The following NLGN1 variants were observed in gnomAD, a reference collection of about 807,000 sequenced individuals.
The protein encoded by NLGN1 is neuroligin 1, also known as neuroligin-1.
Under a neutral mutation model 65.5 loss-of-function variants are expected in NLGN1, and 12 were observed. The observed-to-expected ratio is 0.18, with a 90% CI of 0.12 to 0.30. The LOEUF (loss-of-function observed/expected upper bound fraction) is 0.30. Among genes scored for constraint, NLGN1 ranks in the 10% least tolerant of loss-of-function variants. The pLI is 1.00. For synonymous variants in NLGN1, 350 were observed against 359.5 expected (o/e 0.97, Z 0.30); for missense variants, 750 against 1,007.1 (o/e 0.74, Z 3.46).
chr3:173,808,803 A>G (rs891718690), intron 4 of NLGN1, among the ~76,000 whole-genome samples: 1 of 152,098 alleles, frequency 6.6e-6, no homozygotes, highest in African/African-American at 2.4e-5. Context: ...CTTTCATTCT[A>G]TTATCTAAAA....
chr3:174,151,838 G>A (rs9713820), intron 4 of NLGN1, among the ~76,000 whole-genome samples: 5,992 of 152,106 alleles, frequency 0.039, 179 homozygotes, highest in Middle Eastern at 0.099. Flanking sequence ...TTTGCTCTTC[G>A]ACTGATTTCC....
intron 4 of NLGN1, among the ~76,000 whole-genome samples, chr3:174,140,818 T>C (rs1490615797): frequency 6.6e-6 from 1 of 152,188 alleles, no homozygotes; most frequent in East Asian, 1.9e-4. Flanking sequence ...TCAATTAGGC[T>C]ATTCTTTTAT....
rs767518841 is a variant in NLGN1 at position 173,747,057 on chromosome 3, TATACAC to T, written c.494-60621_494-60616del. On this transcript the variant is annotated intron_variant, in intron 3 of 6. Coordinates refer to ENST00000457714, the Ensembl canonical transcript of NLGN1. ...CCTGCCTCAAAAAGAAAAAATTATA[TATACAC>T]ACACACACACACACACACACACACA... 5.4e-3 allele frequency among the ~76,000 whole-genome samples: 439 copies of T among 81,746 alleles called. 1 individual carries two copies. The highest frequency in any genetic ancestry group is 0.021 in the South Asian group (46 of 2,148). 53.6% of individuals were successfully genotyped at this position (81,746 alleles called of 152,430 possible).
At chr3:174,171,249 A>G (rs1398280936) in intron 4 of NLGN1, among the ~76,000 whole-genome samples, 1 of 152,182 alleles carries the variant, frequency 6.6e-6, no homozygotes, top group Non-Finnish European at 1.5e-5. Context: ...ATTGGTTGTT[A>G]TTAGAGAATT....
intron 4 of NLGN1, among the ~76,000 whole-genome samples, chr3:174,203,204 C>T (rs1297132712): frequency 6.6e-6 from 1 of 152,140 alleles, no homozygotes; most frequent in Non-Finnish European, 1.5e-5. Context: ...CTTCAATGAT[C>T]TAGACAAGAG....
At chr3:174,211,202 C>A (rs13076866) in intron 4 of NLGN1, among the ~76,000 whole-genome samples, 26,994 of 152,154 alleles carry the variant, frequency 0.18, 2,513 homozygotes, top group East Asian at 0.45. Flanking sequence ...AACAAAGCTT[C>A]CGCAGTGTGG....
intron 4 of NLGN1, among the ~76,000 whole-genome samples, chr3:173,978,271 T>G (rs996198228): frequency 1.3e-5 from 2 of 152,064 alleles, no homozygotes; most frequent in African/African-American, 4.8e-5. Flanking sequence ...TCTTTACTTG[T>G]GACAAATTGG....
intron 2 of NLGN1, among the ~76,000 whole-genome samples, chr3:173,523,830 G>T (rs1446503170): frequency 6.6e-6 from 1 of 151,064 alleles, no homozygotes; most frequent in Non-Finnish European, 1.5e-5. Context: ...CATTTAATCT[G>T]TAGATTGCTT....
chr3:173,425,538 T>C (rs11927931), intron 1 of NLGN1, among the ~76,000 whole-genome samples: 6,242 of 152,214 alleles, frequency 0.041, 420 homozygotes, highest in African/African-American at 0.14. Context: ...AGAGACAAGG[T>C]TCTATTTCCA....
chr3:173,423,432 C>T (rs1173045423), intron 1 of NLGN1, among the ~76,000 whole-genome samples: 2 of 152,178 alleles, frequency 1.3e-5, no homozygotes, highest in African/African-American at 4.8e-5. Context: ...AGGCAAGTCC[C>T]TCCTGCCTAT....
chr3:173,798,678 A>G (rs1714716411), intron 3 of NLGN1, among the ~76,000 whole-genome samples: 1 of 152,058 alleles, frequency 6.6e-6, no homozygotes. Flanking sequence ...TGCAGGTGTG[A>G]TTATAAAAGT....
chr3:173,817,289 G>A (rs548498984), intron 4 of NLGN1, among the ~76,000 whole-genome samples: 2 of 152,286 alleles, frequency 1.3e-5, no homozygotes, highest in African/African-American at 4.8e-5. Context: ...GGATTTCTAT[G>A]AACAATCAGA....
intron 4 of NLGN1, among the ~76,000 whole-genome samples, chr3:174,264,845 G>A (rs370957587): frequency 6.6e-6 from 1 of 151,854 alleles, no homozygotes; most frequent in South Asian, 2.1e-4. Context: ...TGATGGTGAT[G>A]TACAGATGGG....
intron 4 of NLGN1, chr3:173,920,723 T>C (rs1312842553): frequency 6.6e-6 from 1 of 152,072 alleles, no homozygotes; most frequent in Non-Finnish European, 1.5e-5. Context: ...GGAGAAAAGA[T>C]TGGTGAATAA....
intron 2 of NLGN1, among the ~76,000 whole-genome samples, chr3:173,569,433 A>G (rs1744257592): frequency 6.6e-6 from 1 of 152,012 alleles, no homozygotes; most frequent in Non-Finnish European, 1.5e-5. Context: ...TTCAAGTTCT[A>G]TCAAAAATCT....
intron 3 of NLGN1, among the ~76,000 whole-genome samples, chr3:173,669,186 G>C (rs984648734): frequency 1.3e-5 from 2 of 152,196 alleles, no homozygotes; most frequent in Non-Finnish European, 2.9e-5. Flanking sequence ...GACTTGAAGA[G>C]ACAGTGAGAC....
intron 4 of NLGN1, among the ~76,000 whole-genome samples, chr3:174,174,963 T>C (rs1729180513): frequency 6.6e-6 from 1 of 152,004 alleles, no homozygotes; most frequent in Non-Finnish European, 1.5e-5. Flanking sequence ...GTTTATAAAA[T>C]TCTTCTTGTT....
At chr3:174,018,857 G>C (rs1307622093) in intron 4 of NLGN1, among the ~76,000 whole-genome samples, 1 of 152,084 alleles carries the variant, frequency 6.6e-6, no homozygotes, top group East Asian at 1.9e-4. Context: ...AATTATGTGT[G>C]TGTGTGTTAA....
chr3:174,120,997 A>G (rs1285271228), intron 4 of NLGN1, among the ~76,000 whole-genome samples: 1 of 152,188 alleles, frequency 6.6e-6, no homozygotes, highest in African/African-American at 2.4e-5. Flanking sequence ...TATGTTAGCC[A>G]TTCACTCCAG....
Sources: allele counts gnomAD v4.1 joint callset (sites outside exome capture counted in the v4.1 genomes callset), GRCh38; gene constraint gnomAD v4.1.1; transcripts MANE v1.5; gene names NCBI Gene and HGNC (gene_info 2026-07-23, HGNC 2026-07-21).